The following SLC9A4 variants were observed in gnomAD, a reference collection of about 807,000 sequenced individuals.
SLC9A4 encodes the protein sodium/hydrogen exchanger 4.
In SLC9A4, 63 loss-of-function variants were observed where a neutral mutation model predicts 67.4. That is an observed-to-expected ratio of 0.93 (90% confidence interval 0.76 to 1.15). The LOEUF (loss-of-function observed/expected upper bound fraction) is 1.15, where lower values mean the gene tolerates loss of function less well. Among genes scored for constraint, SLC9A4 ranks in the 50% most tolerant of loss-of-function variants. The probability of loss-of-function intolerance (pLI) is 0.00; values close to 1 mark genes in which losing one functional copy is unlikely to be tolerated. For synonymous variants in SLC9A4, 393 were observed against 367.2 expected (o/e 1.07, Z -0.80); for missense variants, 1,089 against 987.7 (o/e 1.10, Z -1.38).
At chr2:102,522,151 T>A (rs1403082518) in intron 9 of SLC9A4, among the ~76,000 whole-genome samples, 1 of 152,204 alleles carries the variant, frequency 6.6e-6, no homozygotes, top group Non-Finnish European at 1.5e-5. Context: ...GAAACTGGCT[T>A]CAGCCCAGAC....
Position 102,512,231 on chromosome 2 carries a change from A to G in SLC9A4, c.1517A>G (p.Glu506Gly). Reference protein sequence around the residue: ...RLMDHLKAGIEDVCGHWSHYQ... With the variant: ...RLMDHLKAGIGDVCGHWSHYQ... ...ATGGATCACTTAAAGGCTGGAATCG[A>G]AGATGTGTGTGGGCACTGGAGTCAC... is the stretch of plus-strand genomic sequence containing the variant. The change falls in exon 7 of 12, where the codon GAA becomes GGA. Residue 506 changes from glutamate to glycine, a missense_variant. Transcript: ENST00000295269. 6.2e-7 allele frequency: 1 copy of G among 1,614,054 alleles called. No homozygotes were observed. The highest frequency in any genetic ancestry group is 8.5e-7 in the Non-Finnish European group (1 of 1,179,968).
intron 3 of SLC9A4, 32 bp from the exon 4 acceptor site, chr2:102,505,222 G>A (rs766913323): frequency 6.3e-7 from 1 of 1,599,842 alleles, no homozygotes; most frequent in Non-Finnish European, 8.5e-7. Flanking sequence ...AAAACCTCAT[G>A]GATTTTCTCT....
chr2:102,488,612 G>A lies in SLC9A4; in HGVS notation c.720+9310G>A, dbSNP rs374746942. Among the ~76,000 whole-genome samples the A allele has an allele frequency of 4.7e-4, 70 of 147,916 alleles. No individual in the cohort carries two copies. In the East Asian group the frequency reaches 9.5e-3, roughly 20 times the overall value. ...TGCCCAGGCTGGAGTGCAGTGGCGCGATCTCAGCTCACTGTAAGCTCTGCC... is the reference window on the plus strand; with the variant it reads ...TGCCCAGGCTGGAGTGCAGTGGCGCAATCTCAGCTCACTGTAAGCTCTGCC... On this transcript the variant is annotated intron_variant, in intron 2 of 11. Coordinates refer to ENST00000295269, the MANE Select transcript of SLC9A4 (RefSeq NM_001011552.4).
rs925729403 is a variant in SLC9A4 at position 102,532,461 on chromosome 2, A to G, written c.2170A>G (p.Ser724Gly). 6.2e-7 allele frequency: 1 copy of G among 1,614,242 alleles called. No individual in the cohort carries two copies. Among genetic ancestry groups the G allele is most frequent in the Non-Finnish European group, 8.5e-7 (1 of 1,180,046 alleles). ...CCTACACAGAGGAAGGAAGGCATTCAGCTTTGGTTATCAAAGAAACACAAG... is the reference window on the plus strand; with the variant it reads ...CCTACACAGAGGAAGGAAGGCATTCGGCTTTGGTTATCAAAGAAACACAAG... ...KSLHRGRKAFSFGYQRNTSQE... is the reference protein window; with the variant it reads ...KSLHRGRKAFGFGYQRNTSQE... The change falls in exon 12 of 12, where the codon AGC becomes GGC. Residue 724 changes from serine (S) to glycine (G), a missense_variant. Ser to Gly is a moderately conservative substitution (Grantham distance 56). Coordinates refer to ENST00000295269, the MANE Select transcript of SLC9A4 (RefSeq NM_001011552.4).
Position 102,479,130 on chromosome 2 carries a change from TGAA to T in SLC9A4, c.550_552del (p.Lys184del). On this transcript the variant is annotated inframe_deletion, in exon 2 of 12. Coordinates refer to ENST00000295269, the MANE Select transcript of SLC9A4 (RefSeq NM_001011552.4). Reference sequence around the variant, plus strand: ...CTCTCCCTCTACCTCATCTGCCAGGTGAAGGCCTTTGGCCTGGGCGACGTCAAC... The same window carrying T: ...CTCTCCCTCTACCTCATCTGCCAGGTGGCCTTTGGCCTGGGCGACGTCAAC... The T allele has an allele frequency of 6.2e-7, 1 of 1,614,156 alleles. No homozygotes were observed. The highest frequency in any genetic ancestry group is 8.5e-7 in the Non-Finnish European group (1 of 1,180,012).
At chr2:102,513,189 A>T (rs1242718169) in intron 7 of SLC9A4, among the ~76,000 whole-genome samples, 1 of 152,110 alleles carries the variant, frequency 6.6e-6, no homozygotes, top group African/African-American at 2.4e-5. Flanking sequence ...AAGACAGAAG[A>T]TCGACCCAGT....
At chr2:102,495,716 A>G (rs1386782723) in intron 2 of SLC9A4, among the ~76,000 whole-genome samples, 1 of 152,194 alleles carries the variant, frequency 6.6e-6, no homozygotes, top group South Asian at 2.1e-4. Flanking sequence ...ACTTACATAT[A>G]CATGGCCAAT....
intron 2 of SLC9A4, among the ~76,000 whole-genome samples, chr2:102,489,604 C>CT (rs1389616908): frequency 3.3e-5 from 5 of 152,168 alleles, no homozygotes; most frequent in African/African-American, 9.7e-5. Flanking sequence ...GATACACATA[C>CT]TTTTTTCTCC....
intron 2 of SLC9A4, among the ~76,000 whole-genome samples, chr2:102,479,860 A>G (rs1684422523): frequency 6.6e-6 from 1 of 152,164 alleles, no homozygotes; most frequent in African/African-American, 2.4e-5. Context: ...GTTTTTGCTT[A>G]TGAGCCTTTC....
In SLC9A4 at chr2:102,525,152, G is replaced by A. The variant is rs1158197183; in HGVS notation, c.1947G>A (p.Lys649=). 6.2e-7 allele frequency: 1 copy of A among 1,613,920 alleles called. No individual in the cohort carries two copies. Among genetic ancestry groups the A allele is most frequent in the Non-Finnish European group, 8.5e-7 (1 of 1,179,862 alleles). Reference sequence around the variant, plus strand: ...AAGGTCACAGCCTGCCCTGGGGAAAGCCGGTACATTGGGGCTGGGGACTGG... The same window carrying A: ...AAGGTCACAGCCTGCCCTGGGGAAAACCGGTACATTGGGGCTGGGGACTGG... ...MRKGHSLPWG[K]PAGTKNIRYL... is the part of the protein sequence containing the mutation. Residue 649 remains lysine (K), a synonymous_variant, in exon 10 of 12, where the codon AAG becomes AAA. Coordinates refer to ENST00000295269, the MANE Select transcript of SLC9A4 (RefSeq NM_001011552.4).
chr2:102,531,884 C>A (rs951584409), intron 11 of SLC9A4, among the ~76,000 whole-genome samples: 22 of 152,154 alleles, frequency 1.4e-4, no homozygotes, highest in Admixed American at 1.4e-3. Context: ...GATTGGAACT[C>A]AGATGTAATG....
intron 9 of SLC9A4, among the ~76,000 whole-genome samples, chr2:102,521,020 C>G (rs531412711): frequency 6.6e-6 from 1 of 152,204 alleles, no homozygotes; most frequent in African/African-American, 2.4e-5. Flanking sequence ...AGAGTAAATT[C>G]CATGGCTTTC....
In SLC9A4 at chr2:102,526,374, G is replaced by T. The variant is rs1657778967; in HGVS notation, c.2038+28G>T. The T allele has an allele frequency of 1.2e-6, 2 of 1,606,632 alleles. 1 individual carries two copies. Among genetic ancestry groups the T allele is most frequent in the South Asian group, 2.2e-5 (2 of 90,926 alleles). ...AAGCTGCCCACCTGGCTGCTCTGCT[G>T]CTTTTCTGTAGAGTCAGGTGGTAAA... On this transcript the variant is annotated intron_variant, in intron 11 of 11. Coordinates refer to ENST00000295269, the MANE Select transcript of SLC9A4 (RefSeq NM_001011552.4).
intron 3 of SLC9A4, 65 bp downstream of exon 3, chr2:102,503,772 A>T (rs1684993628): frequency 6.4e-7 from 1 of 1,574,530 alleles, no homozygotes; most frequent in Non-Finnish European, 8.6e-7. Flanking sequence ...ACATCACATG[A>T]GCCAGGCATC....
At chr2:102,482,243 T>A (rs1330354878) in intron 2 of SLC9A4, among the ~76,000 whole-genome samples, 1 of 152,142 alleles carries the variant, frequency 6.6e-6, no homozygotes, top group Non-Finnish European at 1.5e-5. Flanking sequence ...GACTGATGAG[T>A]CTTCGGATGT....
chr2:102,520,065 G>T (rs936995470), intron 9 of SLC9A4, 110 bp downstream of exon 9: 3 of 790,660 alleles, frequency 3.8e-6, no homozygotes, highest in Non-Finnish European at 6.0e-6. Context: ...CCCTCTGTAA[G>T]GTGGTAACTT....
At chr2:102,507,398 C>T (rs1558667583) in intron 4 of SLC9A4, among the ~76,000 whole-genome samples, 1 of 152,110 alleles carries the variant, frequency 6.6e-6, no homozygotes, top group African/African-American at 2.4e-5. Flanking sequence ...ATTGGTGGTA[C>T]CTAGGTTATG....
At chr2:102,477,513 C>T (rs1684359581) in intron 1 of SLC9A4, among the ~76,000 whole-genome samples, 1 of 152,160 alleles carries the variant, frequency 6.6e-6, no homozygotes, top group Admixed American at 6.5e-5. Context: ...AATCATTCTG[C>T]CTGAGTCTGG....
intron 6 of SLC9A4, among the ~76,000 whole-genome samples, chr2:102,510,861 T>C (rs1573348051): frequency 6.6e-6 from 1 of 152,212 alleles, no homozygotes; most frequent in East Asian, 1.9e-4. Flanking sequence ...TATTTGTTTG[T>C]TCAAGTTCAG....
Sources: gnomAD v4.1 joint callset for allele counts (sites outside exome capture counted in the v4.1 genomes callset) on GRCh38, gnomAD v4.1.1 for gene constraint, MANE v1.5 for transcripts, NCBI Gene and HGNC (gene_info 2026-07-23, HGNC 2026-07-21) for gene names.